Variants in ZNF415 observed in about 807,000 individuals in gnomAD.
The protein encoded by ZNF415 is zinc finger protein 415.
A neutral mutation model predicts 7.3 loss-of-function variants in ZNF415; 5 were observed. That is an observed-to-expected ratio of 0.69 (90% CI 0.36 to 1.44). ZNF415 has a LOEUF of 1.44. Among genes scored for constraint, ZNF415 ranks in the 40% most tolerant of loss-of-function variants. The pLI is 0.04. For missense variants in ZNF415, 628 were observed against 664.8 expected, an observed-to-expected ratio of 0.94 and a Z score of 0.61; for synonymous variants, 207 against 226.3, an observed-to-expected ratio of 0.91 and a Z score of 0.77.
chr19:53,109,613 T>C lies in ZNF415; in HGVS notation c.432A>G (p.Leu144=), dbSNP rs773806463. The C allele has an allele frequency of 2.9e-5, 47 of 1,614,032 alleles. No individual in the cohort carries two copies. In the South Asian group the frequency reaches 5.2e-4, roughly 18 times the overall value. The stretch of plus-strand genomic sequence containing the variant: ...ACTGCTGCAGTTCATGGGGATGTGG[T>C]AGAAAGCTTAATCCAAGCTGATGTT... The part of the protein sequence containing the change: ...SIKHQLGLSF[L]PHPHELQQFQ... Residue 144 remains leucine, a synonymous_variant, in exon 4 of 4, where the codon CTA becomes CTG. Transcript: ENST00000243643.
chr19:53,121,596 T>A (rs1055021869), intron 2 of ZNF415, among the ~76,000 whole-genome samples: 1 of 151,646 alleles, frequency 6.6e-6, no homozygotes, highest in East Asian at 2.0e-4. Context: ...CCTGGCTAAT[T>A]TTTGTATTTT....
intron 1 of ZNF415, 48 bp from the exon 2 acceptor site, chr19:53,122,791 C>T (rs1293777564): frequency 1.4e-6 from 2 of 1,424,250 alleles, no homozygotes; most frequent in African/African-American, 1.4e-5. Flanking sequence ...ACAACACACC[C>T]CCTCTTGTGT....
Position 53,129,200 on chromosome 19 carries a change from C to T in ZNF415, c.-68+3656G>A, listed in dbSNP as rs148163382. Among the ~76,000 whole-genome samples the T allele has an allele frequency of 3.6e-3, 550 of 152,226 alleles. 5 individuals carry two copies. Among genetic ancestry groups the T allele is most frequent in the African/African-American group, 0.012 (519 of 41,532 alleles). On this transcript the variant is annotated intron_variant, in intron 1 of 3. Coordinates refer to ENST00000243643, the MANE Select transcript of ZNF415 (RefSeq NM_018355.4). ...TGGGAAAAGAGAAAAGCAAATGTGACTGGTGCAGAGGGAGTCATGAGATGA... is the reference window on the plus strand; with the variant it reads ...TGGGAAAAGAGAAAAGCAAATGTGATTGGTGCAGAGGGAGTCATGAGATGA...
In ZNF415 at chr19:53,108,529, T is replaced by C; in HGVS notation, c.1516A>G (p.Ser506Gly). ...YKCNECGKSF[S>G]VRPNLTRHQI... ...TGTCTAGTGAGGTTTGGGCGCACAC[T>C]AAAGGATTTGCCACACTCATTACAT... Residue 506 changes from serine (S) to glycine (G), a missense_variant, in exon 4 of 4, where the codon AGT (serine) becomes GGT (glycine). Physicochemically the swap from Ser to Gly is moderately conservative, Grantham distance 56. Transcript: ENST00000243643. The C allele has an allele frequency of 6.2e-7, 1 of 1,614,158 alleles. No individual in the cohort carries two copies. Among genetic ancestry groups the C allele is most frequent in the Non-Finnish European group, 8.5e-7 (1 of 1,179,976 alleles).
chr19:53,130,837 G>C (rs1316464067), intron 1 of ZNF415, among the ~76,000 whole-genome samples: 1 of 151,780 alleles, frequency 6.6e-6, no homozygotes, highest in Non-Finnish European at 1.5e-5. Context: ...GTAGAGATGG[G>C]GTTTCACCAT....
chr19:53,115,805 T>C (rs2086929570), intron 3 of ZNF415: 2 of 1,549,696 alleles, frequency 1.3e-6, no homozygotes, highest in African/African-American at 1.4e-5. Flanking sequence ...CCACATAGGA[T>C]AATACTCTGG....
rs181061226 is a variant in ZNF415 at position 53,121,573 on chromosome 19, G to A, written c.15+1089C>T. On this transcript the variant is annotated intron_variant, in intron 2 of 3. Coordinates refer to ENST00000243643, the MANE Select transcript of ZNF415 (RefSeq NM_018355.4). Reference sequence around the variant, plus strand: ...CTCCTGAGTAGTTGGGATTACAGGCGTGCGCCACCACGCCTGGCTAATTTT... The same window carrying A: ...CTCCTGAGTAGTTGGGATTACAGGCATGCGCCACCACGCCTGGCTAATTTT... Among the ~76,000 whole-genome samples the A allele has an allele frequency of 1.3e-3, 192 of 151,774 alleles. 1 individual carries two copies. Among genetic ancestry groups the A allele is most frequent in the African/African-American group, 3.8e-3 (157 of 41,434 alleles).
intron 1 of ZNF415, among the ~76,000 whole-genome samples, chr19:53,130,704 A>G (rs1369563122): frequency 6.6e-6 from 1 of 151,916 alleles, no homozygotes; most frequent in African/African-American, 2.4e-5. Flanking sequence ...CTGTCACCGG[A>G]TCTCGGCTCT....
rs970310415 is a variant in ZNF415 at position 53,122,512 on chromosome 19, GAGA to G, written c.15+147_15+149del. 2.3e-5 allele frequency: 37 copies of G among 1,591,182 alleles called. No individual in the cohort carries two copies. In the Admixed American group the frequency reaches 3.8e-4, roughly 16 times the overall value. On this transcript the variant is annotated intron_variant, in intron 2 of 3. Coordinates refer to ENST00000243643, the MANE Select transcript of ZNF415 (RefSeq NM_018355.4). ...GGTGAGACGGAATCTCAGTAGAGAT[GAGA>G]AGGACTGAGGGAAGGCACGGGTCAA... is the stretch of plus-strand genomic sequence containing the variant.
rs548389733 is a variant in ZNF415 at position 53,122,406 on chromosome 19, C to T, written c.15+256G>A. The T allele has an allele frequency of 4.6e-5, 71 of 1,536,980 alleles. No individual in the cohort carries two copies. The East Asian group carries it at 1.1e-3, about 24-fold the overall frequency. On this transcript the variant is annotated intron_variant, in intron 2 of 3. Coordinates refer to ENST00000243643, the MANE Select transcript of ZNF415 (RefSeq NM_018355.4). ...CACTGACACCACGGGACCCTCACCC[C>T]GTCTCCATCCATGTCTGGGTGTGAG...
rs777131360 is a variant in ZNF415 at position 53,122,393 on chromosome 19, G to A, written c.15+269C>T. 784 of 1,536,326 alleles carry A rather than the reference G, an allele frequency of 5.1e-4. 2 individuals are homozygous for A. Among genetic ancestry groups the A allele is most frequent in the Non-Finnish European group, 6.1e-4 (705 of 1,146,698 alleles). ...TGCTGCCCAACAGCACTGACACCAC[G>A]GGACCCTCACCCCGTCTCCATCCAT... On this transcript the variant is annotated intron_variant, in intron 2 of 3. Transcript: ENST00000243643.
chr19:53,130,661 GTTCT>G (rs928035034), intron 1 of ZNF415, among the ~76,000 whole-genome samples: 5 of 151,972 alleles, frequency 3.3e-5, no homozygotes, highest in African/African-American at 1.2e-4. Flanking sequence ...TTTTTTGTTT[GTTCT>G]TTGTTTTTTT....
chr19:53,116,799 C>G (rs922564542), intron 2 of ZNF415, among the ~76,000 whole-genome samples: 8 of 151,544 alleles, frequency 5.3e-5, no homozygotes, highest in African/African-American at 1.9e-4. Flanking sequence ...CAACAATGAA[C>G]TAGGGATCAA....
At chr19:53,131,346 G>C (rs1251290594) in intron 1 of ZNF415, among the ~76,000 whole-genome samples, 1 of 151,976 alleles carries the variant, frequency 6.6e-6, no homozygotes, top group African/African-American at 2.4e-5. Flanking sequence ...GCCTTAACAG[G>C]GATTGCAAGT....
At chr19:53,110,024 C>T (rs2086004599) in intron 3 of ZNF415, 116 bp from the exon 4 acceptor site, 2 of 786,856 alleles carry the variant, frequency 2.5e-6, no homozygotes, top group South Asian at 5.0e-5. Flanking sequence ...AGTTATAAAA[C>T]TTCCCAATCA....
intron 1 of ZNF415, among the ~76,000 whole-genome samples, chr19:53,130,446 T>TA (rs76949914): frequency 0.28 from 41,875 of 151,916 alleles, 6,240 homozygotes; most frequent in East Asian, 0.46. Flanking sequence ...ATTTTGGAGC[T>TA]AAAAAAATTG....
At chr19:53,129,078 T>A (rs1001776468) in intron 1 of ZNF415, among the ~76,000 whole-genome samples, 5 of 152,176 alleles carry the variant, frequency 3.3e-5, no homozygotes, top group Admixed American at 2.0e-4. Context: ...TCTCTCAGTC[T>A]AGACCCGAAG....
rs2085840589 is a variant in ZNF415, at chr19:53,109,177, G to A, written c.868C>T (p.His290Tyr). The A allele has an allele frequency of 1.2e-6, 2 of 1,614,002 alleles. No homozygotes were observed. The highest frequency in any genetic ancestry group is 2.2e-5 in the East Asian group (1 of 44,888). Residue 290 changes from histidine (H) to tyrosine (Y), a missense_variant, in exon 4 of 4, where the codon CAT becomes TAT. By Grantham distance (83) the His-to-Tyr change is moderately conservative (BLOSUM62 2). Transcript: ENST00000243643. ...TTCTCTCCAGTGTGAACTCTCCGAT[G>A]TAGTGCAAGGCATGAGTTGCGACTG... ...SFSRNSCLALHRRVHTGEKPY... is the reference protein window; with the variant it reads ...SFSRNSCLALYRRVHTGEKPY...
rs1360265265 is a variant in ZNF415 at position 53,109,472 on chromosome 19, A to T, written c.573T>A (p.Asn191Lys). The T allele has an allele frequency of 1.2e-6, 2 of 1,614,086 alleles. No homozygotes were observed. The highest frequency in any genetic ancestry group is 1.7e-6 in the Non-Finnish European group (2 of 1,179,958). The change falls in exon 4 of 4, where the codon AAT (asparagine) becomes AAA (lysine). Residue 191 changes from asparagine (N) to lysine (K), a missense_variant. By Grantham distance (94) the Asn-to-Lys change is moderately conservative. Transcript: ENST00000243643. ...ISSTIKTHVS[N>K]KYGTDFICSS... ...AACAGATGAAATCAGTCCCATATTT[A>T]TTAGAAACATGGGTTTTGATGGTAG...
Sources: allele counts gnomAD v4.1 joint callset (sites outside exome capture counted in the v4.1 genomes callset), GRCh38; gene constraint gnomAD v4.1.1; transcripts MANE v1.5; gene names NCBI Gene and HGNC (gene_info 2026-07-23, HGNC 2026-07-21).